The following NRDE2 variants were observed in gnomAD, a reference collection of about 807,000 sequenced individuals.
The protein encoded by NRDE2 is nuclear exosome regulator NRDE2.
A neutral mutation model predicts 124.2 loss-of-function variants in NRDE2; 76 were observed. That is an observed-to-expected ratio of 0.61 (90% confidence interval 0.51 to 0.74). The LOEUF (loss-of-function observed/expected upper bound fraction) is 0.74, where lower values mean the gene tolerates loss of function less well. Ranked by LOEUF, NRDE2 falls within the 30% of genes least tolerant of loss-of-function variation. The pLI is 0.00. For missense variants in NRDE2, 1,314 were observed against 1,417.3 expected (o/e 0.93, Z 1.17); for synonymous variants, 489 against 528.1 (o/e 0.93, Z 1.01).
intron 8 of NRDE2, among the ~76,000 whole-genome samples, chr14:90,295,051 G>A (rs1884093533): frequency 1.3e-5 from 2 of 152,104 alleles, no homozygotes. Context: ...AGCTACACAC[G>A]TGACAGAAAC....
Position 90,326,260 on chromosome 14 carries a change from C to T in NRDE2, c.64+5581G>A, listed in dbSNP as rs769718359. ...CTGTAATCCCAGCACTTTGGGAGGC[C>T]GAGGCGGGTGGATCATGAGGTCAGG... On this transcript the variant is annotated intron_variant, in intron 1 of 13. Transcript: ENST00000354366. Among the ~76,000 whole-genome samples the T allele has an allele frequency of 2.6e-5, 4 of 151,012 alleles. No homozygotes were observed. The East Asian group carries it at 5.9e-4, about 22-fold the overall frequency.
intron 1 of NRDE2, among the ~76,000 whole-genome samples, chr14:90,327,011 C>T (rs557310177): frequency 7.2e-5 from 11 of 152,278 alleles, no homozygotes; most frequent in Non-Finnish European, 1.5e-4. Context: ...AATACTAATA[C>T]GAATTCATGA....
intron 8 of NRDE2, among the ~76,000 whole-genome samples, chr14:90,293,497 G>A (rs1213049570): frequency 6.6e-6 from 1 of 152,216 alleles, no homozygotes; most frequent in Non-Finnish European, 1.5e-5. Context: ...TGATGCACCT[G>A]CCTTGGCCTC....
At position 90,297,671 on chromosome 14, in the gene NRDE2, C is replaced by T. The variant is rs1489344479; in HGVS notation, c.1666+589G>A. Among the ~76,000 whole-genome samples, 5 of 152,220 alleles carry T rather than the reference C, an allele frequency of 3.3e-5. No individual in the cohort carries two copies. The East Asian group carries it at 9.6e-4, about 29-fold the overall frequency. ...GAATGGGGTCGGGCGTGGTGGCTCACACCTGTAATCCCAGCACTTTGGGAG... is the reference window on the plus strand; with the variant it reads ...GAATGGGGTCGGGCGTGGTGGCTCATACCTGTAATCCCAGCACTTTGGGAG... On this transcript the variant is annotated intron_variant, in intron 8 of 13. Transcript: ENST00000354366.
intron 3 of NRDE2, among the ~76,000 whole-genome samples, chr14:90,314,314 G>A (rs1884962332): frequency 6.6e-6 from 1 of 152,190 alleles, no homozygotes; most frequent in South Asian, 2.1e-4. Context: ...CACTAATATT[G>A]TAGTCCTTGT....
chr14:90,313,117 T>G (rs1383880891), intron 3 of NRDE2, among the ~76,000 whole-genome samples: 3 of 143,266 alleles, frequency 2.1e-5, no homozygotes, highest in Admixed American at 7.1e-5. Context: ...GGTCTCAGCC[T>G]CATTTTTTTT....
At position 90,271,640 on chromosome 14, in the gene NRDE2, T is replaced by C. The variant is rs189611659; in HGVS notation, c.*6696A>G. ...AAGTTTCAGGGCATAATTTTGTTTA[T>C]TTCCTAGGAATATTATTCTCTTTAA... is the stretch of plus-strand genomic sequence containing the variant. On this transcript the variant is annotated 3_prime_UTR_variant, in exon 14 of 14. Coordinates refer to ENST00000354366, the MANE Select transcript of NRDE2 (RefSeq NM_017970.4). 2 of 152,320 alleles carry C rather than the reference T, an allele frequency of 1.3e-5. No individual in the cohort carries two copies. Among genetic ancestry groups the C allele is most frequent in the East Asian group, 1.9e-4 (1 of 5,182 alleles). 9.4% of individuals were successfully genotyped at this position (152,320 alleles called of 1,614,324 possible). A position where few individuals can be genotyped will look rare whatever the true frequency, so the allele number is the denominator to read the frequency against.
chr14:90,323,134 G>A (rs1369959184), intron 1 of NRDE2, among the ~76,000 whole-genome samples: 6 of 152,086 alleles, frequency 3.9e-5, no homozygotes, highest in South Asian at 2.1e-4. Flanking sequence ...TAGAACTACC[G>A]CCTAACAAAA....
intron 1 of NRDE2, among the ~76,000 whole-genome samples, chr14:90,321,590 G>C (rs943131520): frequency 4.0e-5 from 6 of 149,156 alleles, no homozygotes; most frequent in African/African-American, 1.5e-4. Flanking sequence ...AAGAAAGAAA[G>C]CTCTTGGGTT....
chr14:90,307,771 T>C (rs73318651), intron 4 of NRDE2, among the ~76,000 whole-genome samples: 2,939 of 152,164 alleles, frequency 0.019, 98 homozygotes, highest in African/African-American at 0.067. Context: ...ATTTGTAGGG[T>C]TTCCCTCTGT....
chr14:90,290,055 C>A (rs912481783), intron 10 of NRDE2, among the ~76,000 whole-genome samples, 166 bp downstream of exon 10: 1 of 152,154 alleles, frequency 6.6e-6, no homozygotes, highest in South Asian at 2.1e-4. Context: ...CTCTTCACTG[C>A]GGACCCTCAG....
intron 1 of NRDE2, 78 bp downstream of exon 1, chr14:90,331,763 G>A: frequency 6.7e-7 from 1 of 1,481,718 alleles, no homozygotes. Flanking sequence ...CAAATCCAAA[G>A]CAAAAGTCTA....
intron 3 of NRDE2, among the ~76,000 whole-genome samples, chr14:90,314,748 G>A (rs1054246477): frequency 1.3e-5 from 2 of 152,224 alleles, no homozygotes; most frequent in Admixed American, 6.5e-5. Context: ...TGCTTACTCT[G>A]TAATGGGCCC....
At position 90,330,218 on chromosome 14, in the gene NRDE2, T is replaced by A. The variant is rs113165848; in HGVS notation, c.64+1623A>T. Among the ~76,000 whole-genome samples the A allele has an allele frequency of 9.2e-3, 553 of 60,222 alleles. 4 individuals carry two copies. The highest frequency in any genetic ancestry group is 0.061 in the African/African-American group (481 of 7,936). 39.5% of individuals were successfully genotyped at this position (60,222 alleles called of 152,430 possible). On this transcript the variant is annotated intron_variant, in intron 1 of 13. Coordinates refer to ENST00000354366, the MANE Select transcript of NRDE2 (RefSeq NM_017970.4). ...CAAGACTTGGTCTCAAAAAAAAAAA[T>A]AAATAAATAAATAAATAAAAAGAAG... is the stretch of plus-strand genomic sequence containing the variant.
rs368794564 is a variant in NRDE2 at position 90,286,509 on chromosome 14, C to G, written c.3159-17G>C. ...CCGTCTAACCTGCAAGGCAAAGGCT[C>G]ACGTGACTCTGACACAAGCTCTCTC... is the stretch of plus-strand genomic sequence containing the variant. On this transcript the variant is annotated splice_polypyrimidine_tract_variant and intron_variant, in intron 11 of 13. Transcript: ENST00000354366. The G allele has an allele frequency of 6.2e-7, 1 of 1,608,870 alleles. No individual in the cohort carries two copies. Among genetic ancestry groups the G allele is most frequent in the Non-Finnish European group, 8.5e-7 (1 of 1,177,898 alleles).
chr14:90,279,641 C>G, intron 12 of NRDE2: 1 of 152,856 alleles, frequency 6.5e-6, no homozygotes, highest in East Asian at 1.9e-4. Flanking sequence ...CAAGTTCCAT[C>G]GGCAATCTCA....
chr14:90,326,646 T>C (rs1595080426), intron 1 of NRDE2, among the ~76,000 whole-genome samples: 1 of 151,858 alleles, frequency 6.6e-6, no homozygotes, highest in Non-Finnish European at 1.5e-5. Flanking sequence ...AGATGGAAGG[T>C]TTTTCTCCTC....
rs770421503 is a variant in NRDE2 at position 90,316,604 on chromosome 14, G to A, written c.381C>T (p.Gly127=). 3.1e-6 allele frequency: 5 copies of A among 1,612,554 alleles called. No homozygotes were observed. In the Admixed American group the frequency reaches 5.0e-5, roughly 16 times the overall value. The change falls in exon 3 of 14, where the codon GGC becomes GGT. Residue 127 remains glycine (G), a synonymous_variant. Coordinates refer to ENST00000354366, the MANE Select transcript of NRDE2 (RefSeq NM_017970.4). The part of the protein sequence containing the change: ...EKDKPSRGVG[G]SKKESEEPNQ... ...TCGGTTCCTCAGATTCCTTTTTACT[G>A]CCTCCAACGCCTCTGGAAGGTTTGT...
In NRDE2 at chr14:90,269,586, G is replaced by A. The variant is rs1891607568; in HGVS notation, c.*8750C>T. 1 of 1,596,174 alleles carries A rather than the reference G, an allele frequency of 6.3e-7. No homozygotes were observed. Among genetic ancestry groups the A allele is most frequent in the Non-Finnish European group, 8.6e-7 (1 of 1,168,210 alleles). On this transcript the variant is annotated 3_prime_UTR_variant, in exon 14 of 14. Transcript: ENST00000354366. The stretch of plus-strand genomic sequence containing the variant: ...TTGGTTTCATCATGGAGATTAATGT[G>A]TTTATATATTTGTGTTTAAGTGTGC...
Sources: allele counts gnomAD v4.1 joint callset (sites outside exome capture counted in the v4.1 genomes callset), GRCh38; gene constraint gnomAD v4.1.1; transcripts MANE v1.5; gene names NCBI Gene and HGNC (gene_info 2026-07-23, HGNC 2026-07-21).